Variants in DCLK1 observed in about 807,000 individuals in gnomAD.
DCLK1 encodes the protein doublecortin like kinase 1.
DCLK1 carries 16 observed loss-of-function variants against 86.2 expected under a neutral mutation model. The ratio of observed to expected loss-of-function variants is 0.19; its 90% confidence interval spans 0.13 to 0.28. DCLK1 has a LOEUF of 0.28. Ranked by LOEUF, DCLK1 falls within the 10% of genes least tolerant of loss-of-function variation. The pLI is 1.00. For synonymous variants in DCLK1, 369 were observed against 370.5 expected, an observed-to-expected ratio of 1.00 and a Z score of 0.05; for missense variants, 590 against 940.2, an observed-to-expected ratio of 0.63 and a Z score of 4.87.
chr13:36,046,807 C>T (rs766221361), intron 3 of DCLK1, among the ~76,000 whole-genome samples: 24 of 152,168 alleles, frequency 1.6e-4, no homozygotes, highest in Non-Finnish European at 4.4e-5. Flanking sequence ...ATTTGAAACT[C>T]CAAAGCCATA....
intron 3 of DCLK1, among the ~76,000 whole-genome samples, chr13:36,110,556 A>G (rs1885574576): frequency 6.6e-6 from 1 of 152,188 alleles, no homozygotes; most frequent in Non-Finnish European, 1.5e-5. Context: ...ATTAGCATCT[A>G]TTTCTAATTC....
intron 3 of DCLK1, among the ~76,000 whole-genome samples, chr13:36,027,080 C>A (rs1882067251): frequency 6.6e-6 from 1 of 152,122 alleles, no homozygotes; most frequent in African/African-American, 2.4e-5. Flanking sequence ...ACTATTTTCA[C>A]ATGGAGAGAT....
At chr13:35,953,597 G>A (rs1278762939) in intron 3 of DCLK1, among the ~76,000 whole-genome samples, 1 of 152,086 alleles carries the variant, frequency 6.6e-6, no homozygotes, top group South Asian at 2.1e-4. Context: ...AGCTGCTTAC[G>A]AGGAAACAAA....
At chr13:35,979,248 A>C (rs9545992) in intron 3 of DCLK1, among the ~76,000 whole-genome samples, 14,523 of 152,218 alleles carry the variant, frequency 0.095, 844 homozygotes, top group East Asian at 0.2. Flanking sequence ...CGACTTTCCA[A>C]TGACTATTAA....
At chr13:35,803,204 T>C (rs1242815812) in intron 15 of DCLK1, among the ~76,000 whole-genome samples, 3 of 152,210 alleles carry the variant, frequency 2.0e-5, no homozygotes, top group Admixed American at 6.5e-5. Flanking sequence ...CTTAGTCTCC[T>C]CATCTGTAAA....
rs183689571 is a variant in DCLK1 at position 35,959,697 on chromosome 13, G to A, written c.724-12240C>T. On this transcript the variant is annotated intron_variant, in intron 3 of 16. Coordinates refer to ENST00000360631, the MANE Select transcript of DCLK1 (RefSeq NM_001330071.2). ...GAATTCCAGCAGCCATGGTTAACAT[G>A]TGCAGAGCCAGTACTCTTGGCTGTT... Among the ~76,000 whole-genome samples, 10 of 152,276 alleles carry A rather than the reference G, an allele frequency of 6.6e-5. No homozygotes were observed. In the East Asian group the frequency reaches 1.5e-3, roughly 24 times the overall value.
chr13:35,929,030 T>C (rs1049585312), intron 4 of DCLK1, among the ~76,000 whole-genome samples: 11 of 152,146 alleles, frequency 7.2e-5, no homozygotes, highest in Non-Finnish European at 1.5e-4. Context: ...CCCAGGTTCA[T>C]GCCATTCTCC....
At chr13:35,895,542 C>A (rs1387250033) in intron 4 of DCLK1, among the ~76,000 whole-genome samples, 1 of 152,078 alleles carries the variant, frequency 6.6e-6, no homozygotes, top group East Asian at 1.9e-4. Context: ...ATTCCCACTT[C>A]TTGGACTGAG....
chr13:35,973,565 C>T (rs1034822369), intron 3 of DCLK1, among the ~76,000 whole-genome samples: 6 of 152,206 alleles, frequency 3.9e-5, no homozygotes, highest in African/African-American at 1.4e-4. Flanking sequence ...TATGAATACA[C>T]ATCTTTAGAT....
At chr13:35,982,429 AGAGG>A (rs1164496114) in intron 3 of DCLK1, among the ~76,000 whole-genome samples, 4,851 of 31,846 alleles carry the variant, frequency 0.15, 677 homozygotes, top group Middle Eastern at 0.29. Context: ...AGAGAGAGAG[AGAGG>A]GGGAGGGAGG....
At chr13:36,003,148 A>G (rs1593807239) in intron 3 of DCLK1, among the ~76,000 whole-genome samples, 2 of 152,230 alleles carry the variant, frequency 1.3e-5, no homozygotes, top group East Asian at 3.8e-4. Flanking sequence ...GCTGATTCCA[A>G]TCAATCTCAT....
intron 6 of DCLK1, chr13:35,847,643 GAAAGAAA>G: frequency 1.1e-6 from 1 of 933,834 alleles, no homozygotes; most frequent in Non-Finnish European, 1.3e-6. Context: ...AAGAAAGAAA[GAAAGAAA>G]GAAAGAAAAA....
At position 36,126,201 on chromosome 13, in the gene DCLK1, T is replaced by TTATA. The variant is rs144431309; in HGVS notation, c.-19-49_-19-46dup. 12 of 1,299,332 alleles carry TTATA rather than the reference T, an allele frequency of 9.2e-6. No individual in the cohort carries two copies. The East Asian group carries it at 1.8e-4, about 20-fold the overall frequency. 80.5% of individuals were successfully genotyped at this position (1,299,332 alleles called of 1,614,324 possible). On this transcript the variant is annotated intron_variant, in intron 1 of 16. Coordinates refer to ENST00000360631, the MANE Select transcript of DCLK1 (RefSeq NM_001330071.2). ...AAGCAGACACACATATTGATGTAGG[T>TTATA]TATATATATATATATATTTTTTTGT... is the stretch of plus-strand genomic sequence containing the variant.
chr13:35,815,250 G>A (rs1156987976), intron 11 of DCLK1, among the ~76,000 whole-genome samples: 2 of 152,020 alleles, frequency 1.3e-5, no homozygotes, highest in African/African-American at 4.8e-5. Flanking sequence ...AGACCATTTG[G>A]AAAAATTATT....
chr13:36,111,056 G>A (rs989000010), intron 3 of DCLK1, among the ~76,000 whole-genome samples: 3 of 151,578 alleles, frequency 2.0e-5, no homozygotes, highest in Non-Finnish European at 2.9e-5. Flanking sequence ...GGATGGTCTC[G>A]ATCTCCTGAC....
rs149501429 is a variant in DCLK1, at chr13:35,859,744, T to G, written c.941-5151A>C. On this transcript the variant is annotated intron_variant, in intron 5 of 16. Coordinates refer to ENST00000360631, the MANE Select transcript of DCLK1 (RefSeq NM_001330071.2). ...GCACACGTAGTGTACACTTAGTACA[T>G]GCTAGATTCTTATTGCTCCCTGTCC... Among the ~76,000 whole-genome samples, 33 of 152,334 alleles carry G rather than the reference T, an allele frequency of 2.2e-4. No homozygotes were observed. In the East Asian group the frequency reaches 2.3e-3, roughly 11 times the overall value.
chr13:36,045,332 GTATATATATA>G (rs1174545505), intron 3 of DCLK1, among the ~76,000 whole-genome samples: 109 of 55,774 alleles, frequency 2.0e-3, no homozygotes, highest in African/African-American at 6.4e-3. Flanking sequence ...GTGTGTGTGT[GTATATATATA>G]TATATATATA....
At chr13:36,048,517 T>G (rs1370271048) in intron 3 of DCLK1, among the ~76,000 whole-genome samples, 1 of 152,202 alleles carries the variant, frequency 6.6e-6, no homozygotes, top group Admixed American at 6.5e-5. Flanking sequence ...TTCTCAGTCT[T>G]GGGTTTCCCT....
chr13:36,122,553 T>C lies in DCLK1; in HGVS notation c.376+3209A>G, dbSNP rs1484483804. 2.0e-5 allele frequency among the ~76,000 whole-genome samples: 3 copies of C among 152,216 alleles called. No homozygotes were observed. In the East Asian group the frequency reaches 5.8e-4, roughly 29 times the overall value. ...ATCTTTCTCCTAAGAGTTCAAAGGC[T>C]TTAAATGTGACACCTTTATTTATCA... On this transcript the variant is annotated intron_variant, in intron 2 of 16. Transcript: ENST00000360631.
Sources: gnomAD v4.1 joint callset for allele counts (sites outside exome capture counted in the v4.1 genomes callset) on GRCh38, gnomAD v4.1.1 for gene constraint, MANE v1.5 for transcripts, NCBI Gene and HGNC (gene_info 2026-07-23, HGNC 2026-07-21) for gene names.